Variants in ETV6 observed in about 807,000 individuals in gnomAD.
ETV6 encodes transcription factor ETV6.
ETV6 carries 16 observed loss-of-function variants against 51.1 expected under a neutral mutation model. That is an observed-to-expected ratio of 0.31 (90% CI 0.21 to 0.48). ETV6 has a LOEUF of 0.48. Among genes scored for constraint, ETV6 ranks in the 20% least tolerant of loss-of-function variants. The pLI, the probability that ETV6 is intolerant of heterozygous loss-of-function variation, is 0.99. For synonymous variants in ETV6, 240 were observed against 224.1 expected (o/e 1.07, Z -0.64); for missense variants, 458 against 594.8 (o/e 0.77, Z 2.39).
At chr12:11,783,538 T>C (rs1945440235) in intron 2 of ETV6, among the ~76,000 whole-genome samples, 1 of 152,164 alleles carries the variant, frequency 6.6e-6, no homozygotes, top group Admixed American at 6.5e-5. Flanking sequence ...AGGGAGGTTT[T>C]TGCTTTTGTT....
At chr12:11,701,086 T>G (rs1297643159) in intron 1 of ETV6, among the ~76,000 whole-genome samples, 2 of 152,132 alleles carry the variant, frequency 1.3e-5, no homozygotes, top group Non-Finnish European at 2.9e-5. Flanking sequence ...TTTTTTACTT[T>G]TTTTTGCCAT....
At chr12:11,791,772 T>G (rs2710283) in intron 2 of ETV6, among the ~76,000 whole-genome samples, 92,694 of 151,350 alleles carry the variant, frequency 0.61, 28,549 homozygotes, top group Non-Finnish European at 0.67. Context: ...TTATATGCTG[T>G]TTTTTTTTAA....
chr12:11,830,458 G>T (rs1236457709), intron 2 of ETV6, among the ~76,000 whole-genome samples: 1 of 152,206 alleles, frequency 6.6e-6, no homozygotes, highest in African/African-American at 2.4e-5. Flanking sequence ...AAATACAGTT[G>T]TGCCAGCTTT....
intron 1 of ETV6, among the ~76,000 whole-genome samples, chr12:11,656,400 A>G (rs1864000181): frequency 6.6e-6 from 1 of 152,204 alleles, no homozygotes; most frequent in Non-Finnish European, 1.5e-5. Context: ...GGATTGTTAC[A>G]TAAGCCGAGA....
chr12:11,892,641 G>C lies in ETV6; in HGVS notation c.*1595G>C. The C allele has an allele frequency of 4.3e-6, 1 of 232,426 alleles. No individual in the cohort carries two copies. The highest frequency in any genetic ancestry group is 8.5e-6 in the Non-Finnish European group (1 of 117,898). 14.4% of individuals were successfully genotyped at this position (232,426 alleles called of 1,614,324 possible). ...AAGCACCCCCTCCTTGTTCCCCTCT[G>C]TTTCCTCTACTCAGTTGGGGGAGAA... On this transcript the variant is annotated 3_prime_UTR_variant, in exon 8 of 8. Transcript: ENST00000396373.
chr12:11,877,304 T>G (rs1947005269), intron 5 of ETV6, among the ~76,000 whole-genome samples: 1 of 139,356 alleles, frequency 7.2e-6, no homozygotes, highest in Admixed American at 7.0e-5. Context: ...CCTATAGACT[T>G]TTTTTTTTTT....
At chr12:11,668,377 G>A (rs1452115201) in intron 1 of ETV6, among the ~76,000 whole-genome samples, 1 of 145,078 alleles carries the variant, frequency 6.9e-6, no homozygotes, top group African/African-American at 2.5e-5. Flanking sequence ...TGTGTGACTT[G>A]GTAAAGGACT....
intron 1 of ETV6, among the ~76,000 whole-genome samples, chr12:11,745,030 A>G (rs1865882633): frequency 6.6e-6 from 1 of 152,226 alleles, no homozygotes; most frequent in East Asian, 1.9e-4. Context: ...GCTTGTCTTT[A>G]AAGAAATTGC....
At chr12:11,792,814 G>A (rs1945621880) in intron 2 of ETV6, among the ~76,000 whole-genome samples, 1 of 152,136 alleles carries the variant, frequency 6.6e-6, no homozygotes, top group African/African-American at 2.4e-5. Context: ...GAAAAAGGAG[G>A]AAATAAAAAG....
intron 3 of ETV6, chr12:11,840,922 T>G: frequency 5.9e-6 from 1 of 168,792 alleles, no homozygotes; most frequent in Non-Finnish European, 1.3e-5. Context: ...CAGTGGAAAC[T>G]CAGAGATATT....
intron 2 of ETV6, among the ~76,000 whole-genome samples, chr12:11,789,038 T>C (rs1264450677): frequency 6.6e-6 from 1 of 152,136 alleles, no homozygotes; most frequent in Non-Finnish European, 1.5e-5. Flanking sequence ...TTTGTTGTTG[T>C]TGTTGCTGTT....
intron 1 of ETV6, among the ~76,000 whole-genome samples, chr12:11,669,996 AC>A (rs1864283170): frequency 1.3e-5 from 2 of 150,524 alleles, no homozygotes; most frequent in Admixed American, 6.6e-5. Context: ...CGATGATTCT[AC>A]CCCAATCACA....
chr12:11,816,073 C>T (rs2136427440), intron 2 of ETV6, among the ~76,000 whole-genome samples: 2 of 152,256 alleles, frequency 1.3e-5, no homozygotes, highest in South Asian at 4.1e-4. Context: ...TCATCCCAGG[C>T]AGAAGGGGTG....
intron 5 of ETV6, among the ~76,000 whole-genome samples, chr12:11,879,051 C>A (rs766804154): frequency 1.3e-5 from 2 of 152,142 alleles, no homozygotes; most frequent in Non-Finnish European, 2.9e-5. Flanking sequence ...GATATTGCCA[C>A]ATGCCCCCAG....
chr12:11,884,942 T>C (rs950244448), intron 6 of ETV6, among the ~76,000 whole-genome samples: 1 of 152,212 alleles, frequency 6.6e-6, no homozygotes, highest in African/African-American at 2.4e-5. Flanking sequence ...AGGGGACCTT[T>C]GGGAAGTGCC....
chr12:11,685,189 A>G (rs1269117251), intron 1 of ETV6, among the ~76,000 whole-genome samples: 1 of 152,146 alleles, frequency 6.6e-6, no homozygotes, highest in African/African-American at 2.4e-5. Context: ...GTCATTTGTA[A>G]TGTGTAGATT....
intron 1 of ETV6, among the ~76,000 whole-genome samples, chr12:11,684,891 G>A (rs934572718): frequency 6.6e-6 from 1 of 152,182 alleles, no homozygotes; most frequent in African/African-American, 2.4e-5. Context: ...CAGACAAAAT[G>A]TAAGTAAAAT....
chr12:11,780,024 C>T (rs1159278600), intron 2 of ETV6, among the ~76,000 whole-genome samples: 2 of 152,208 alleles, frequency 1.3e-5, no homozygotes, highest in Non-Finnish European at 2.9e-5. Context: ...CTACCTTTAG[C>T]CTTCTCTGCT....
At chr12:11,688,201 A>G (rs886614619) in intron 1 of ETV6, among the ~76,000 whole-genome samples, 2 of 152,184 alleles carry the variant, frequency 1.3e-5, no homozygotes, top group Non-Finnish European at 2.9e-5. Flanking sequence ...CGGGCAAAGG[A>G]AGCCGACCAC....
Sources: gnomAD v4.1 joint callset for allele counts (sites outside exome capture counted in the v4.1 genomes callset) on GRCh38, gnomAD v4.1.1 for gene constraint, MANE v1.5 for transcripts, NCBI Gene and HGNC (gene_info 2026-07-23, HGNC 2026-07-21) for gene names.